SPATA16: variants seen among roughly 807,000 people sequenced by gnomAD.
SPATA16 encodes spermatogenesis-associated protein 16.
A neutral mutation model predicts 63.3 loss-of-function variants in SPATA16; 36 were observed. The ratio of observed to expected loss-of-function variants is 0.57; its 90% CI spans 0.44 to 0.75. The LOEUF is 0.75. SPATA16 is among the 30% of genes least tolerant of loss of function. The probability of loss-of-function intolerance (pLI) is 0.00; values close to 1 mark genes in which losing one functional copy is unlikely to be tolerated. For missense variants in SPATA16, 646 were observed against 679.3 expected (o/e 0.95, Z 0.54); for synonymous variants, 203 against 216.7 (o/e 0.94, Z 0.56).
intron 5 of SPATA16, among the ~76,000 whole-genome samples, chr3:172,968,777 A>G (rs1293374263): frequency 6.6e-6 from 1 of 152,214 alleles, no homozygotes; most frequent in Non-Finnish European, 1.5e-5. Flanking sequence ...TTCATTTAAA[A>G]GTGAACCTCT....
chr3:173,112,546 C>G (rs564767287), intron 2 of SPATA16, among the ~76,000 whole-genome samples: 1 of 152,242 alleles, frequency 6.6e-6, no homozygotes, highest in African/African-American at 2.4e-5. Flanking sequence ...CCTTGGTTTT[C>G]TCATTAGTAA....
At chr3:173,063,177 G>C (rs6445096) in intron 2 of SPATA16, among the ~76,000 whole-genome samples, 63,817 of 152,024 alleles carry the variant, frequency 0.42, 14,899 homozygotes, top group African/African-American at 0.64. Flanking sequence ...TATCACTAGA[G>C]TAGCATTGAG....
intron 4 of SPATA16, among the ~76,000 whole-genome samples, chr3:173,008,756 G>T (rs941107728): frequency 6.6e-6 from 1 of 151,926 alleles, no homozygotes; most frequent in East Asian, 1.9e-4. Flanking sequence ...AATAGTAATA[G>T]AATATATTAA....
intron 3 of SPATA16, among the ~76,000 whole-genome samples, chr3:173,035,491 T>C (rs1401962706): frequency 6.6e-6 from 1 of 152,082 alleles, no homozygotes. Context: ...GTAAATTAGC[T>C]TGGCTAAAGC....
At position 173,012,180 on chromosome 3, in the gene SPATA16, T is replaced by A. The variant is rs1735089191; in HGVS notation, c.848+7306A>T. Among the ~76,000 whole-genome samples the A allele has an allele frequency of 2.0e-5, 3 of 151,982 alleles. No individual in the cohort carries two copies. In the South Asian group the frequency reaches 6.2e-4, roughly 31 times the overall value. On this transcript the variant is annotated intron_variant, in intron 4 of 10. Transcript: ENST00000351008. The stretch of plus-strand genomic sequence containing the variant: ...AGTCAAATCAAGAATGCAGTCTCAT[T>A]TACAATAACCACACATACAAAAATG...
At chr3:172,901,396 T>G (rs1732123778) in intron 10 of SPATA16, among the ~76,000 whole-genome samples, 1 of 152,034 alleles carries the variant, frequency 6.6e-6, no homozygotes, top group Non-Finnish European at 1.5e-5. Flanking sequence ...GATGGAGTTT[T>G]GCCATGATGG....
At chr3:172,980,780 A>G (rs191528031) in intron 4 of SPATA16, among the ~76,000 whole-genome samples, 4 of 152,212 alleles carry the variant, frequency 2.6e-5, no homozygotes, top group Admixed American at 1.3e-4. Context: ...AAAACAAAAC[A>G]AAATACCCCA....
intron 6 of SPATA16, among the ~76,000 whole-genome samples, chr3:172,947,790 C>A (rs1274600276): frequency 6.6e-6 from 1 of 151,608 alleles, no homozygotes; most frequent in African/African-American, 2.4e-5. Flanking sequence ...GAGTGAGGGG[C>A]AAGGGGAAGG....
intron 5 of SPATA16, among the ~76,000 whole-genome samples, chr3:172,973,209 C>A (rs1734084613): frequency 6.6e-6 from 1 of 152,066 alleles, no homozygotes; most frequent in Admixed American, 6.6e-5. Flanking sequence ...GGTATTCTGA[C>A]TGTGTATAGG....
chr3:173,115,569 G>T (rs935657449), intron 2 of SPATA16, among the ~76,000 whole-genome samples: 8 of 152,244 alleles, frequency 5.3e-5, no homozygotes, highest in East Asian at 1.9e-4. Context: ...AGAAGTTTAC[G>T]TAGTACATCA....
At chr3:172,930,531 C>T (rs1298656910) in intron 6 of SPATA16, among the ~76,000 whole-genome samples, 4 of 146,010 alleles carry the variant, frequency 2.7e-5, no homozygotes, top group African/African-American at 5.1e-5. Context: ...ATTACAGTAT[C>T]TTCCAATCTT....
rs542611292 is a variant in SPATA16 at position 173,115,295 on chromosome 3, T to C, written c.612+1825A>G. 1.2e-3 allele frequency among the ~76,000 whole-genome samples: 183 copies of C among 152,320 alleles called. 2 individuals are homozygous for C. The highest frequency in any genetic ancestry group is 2.0e-3 in the Non-Finnish European group (134 of 68,026). ...AGCTTTTACAGTAGCTAAGAAAAGA[T>C]GCCTTTCTTTTTTCTTGCCAAAATG... On this transcript the variant is annotated intron_variant, in intron 2 of 10. Transcript: ENST00000351008.
At chr3:173,057,021 C>A (rs148363527) in intron 2 of SPATA16, among the ~76,000 whole-genome samples, 36 of 151,664 alleles carry the variant, frequency 2.4e-4, no homozygotes, top group Non-Finnish European at 5.0e-4. Flanking sequence ...TGCATACTCA[C>A]GTATTTATTT....
chr3:173,102,440 G>T (rs558649338), intron 2 of SPATA16, among the ~76,000 whole-genome samples: 2 of 152,170 alleles, frequency 1.3e-5, no homozygotes, highest in African/African-American at 4.8e-5. Flanking sequence ...CTTCTGGTGA[G>T]GCCTCAGGGT....
chr3:172,993,717 A>G (rs1734634151), intron 4 of SPATA16, among the ~76,000 whole-genome samples: 1 of 152,076 alleles, frequency 6.6e-6, no homozygotes, highest in South Asian at 2.1e-4. Flanking sequence ...TGATACAAAA[A>G]ACTTCTAAGG....
At chr3:173,078,634 T>C (rs936804542) in intron 2 of SPATA16, among the ~76,000 whole-genome samples, 5 of 152,168 alleles carry the variant, frequency 3.3e-5, no homozygotes, top group Non-Finnish European at 7.4e-5. Flanking sequence ...AAAGGAGAAA[T>C]GATATCAAGT....
intron 2 of SPATA16, among the ~76,000 whole-genome samples, chr3:173,057,372 C>G (rs1435821297): frequency 2.0e-5 from 3 of 152,020 alleles, no homozygotes; most frequent in Non-Finnish European, 4.4e-5. Context: ...CTCGGCCTCC[C>G]AAAGTGCTAT....
At chr3:173,073,454 C>T (rs1736719944) in intron 2 of SPATA16, among the ~76,000 whole-genome samples, 1 of 152,186 alleles carries the variant, frequency 6.6e-6, no homozygotes, top group Non-Finnish European at 1.5e-5. Flanking sequence ...TGTGTGCAGC[C>T]TAGGGACTTA....
At chr3:173,047,725 T>C (rs1735989616) in intron 3 of SPATA16, among the ~76,000 whole-genome samples, 1 of 152,084 alleles carries the variant, frequency 6.6e-6, no homozygotes. Context: ...ACAAAATTGT[T>C]TGACCGACCA....
Sources: allele counts gnomAD v4.1 joint callset (sites outside exome capture counted in the v4.1 genomes callset), GRCh38; gene constraint gnomAD v4.1.1; transcripts MANE v1.5; gene names NCBI Gene and HGNC (gene_info 2026-07-23, HGNC 2026-07-21).